The following GADL1 variants were observed in gnomAD, a reference collection of about 807,000 sequenced individuals.
GADL1 encodes acidic amino acid decarboxylase GADL1.
In GADL1, 71 loss-of-function variants were observed where a neutral mutation model predicts 69.5. The ratio of observed to expected loss-of-function variants is 1.02; its 90% CI spans 0.84 to 1.25. The LOEUF is 1.25. Ranked by LOEUF, GADL1 falls within the 50% of genes most tolerant of loss-of-function variation. The probability of loss-of-function intolerance (pLI) is 0.00; values close to 1 mark genes in which losing one functional copy is unlikely to be tolerated. For missense variants in GADL1, 737 were observed against 631.8 expected, an observed-to-expected ratio of 1.17 and a Z score of -1.79; for synonymous variants, 254 against 214.4, an observed-to-expected ratio of 1.18 and a Z score of -1.62.
intron 12 of GADL1, among the ~76,000 whole-genome samples, chr3:30,787,432 CTG>C (rs1696820962): frequency 6.6e-6 from 1 of 152,154 alleles, no homozygotes; most frequent in African/African-American, 2.4e-5. Flanking sequence ...AAAGAGAAGT[CTG>C]AAATGGCTGG....
intron 12 of GADL1, chr3:30,797,598 G>T (rs371210730): frequency 6.6e-6 from 1 of 152,030 alleles, no homozygotes; most frequent in African/African-American, 2.4e-5. Context: ...TTTAGGTCTT[G>T]AATCCAGGTT....
chr3:30,872,647 TG>T (rs1698509390), intron 1 of GADL1, among the ~76,000 whole-genome samples: 1 of 151,948 alleles, frequency 6.6e-6, no homozygotes, highest in Non-Finnish European at 1.5e-5. Context: ...TACCCTTTTG[TG>T]GGTATCTCCA....
Position 30,854,705 on chromosome 3 carries a change from G to C in GADL1, c.422C>G (p.Pro141Arg). Residue 141 changes from proline to arginine, a missense_variant, in exon 4 of 15, where the codon CCA becomes CGA. Pro to Arg is a moderately radical substitution (Grantham distance 103, BLOSUM62 -2). Transcript: ENST00000282538. Reference sequence around the variant, plus strand: ...TCTATAGCATGGCACTTACACACTTGGATTCAATGCTTCGGTCATAAATCG... The same window carrying C: ...TCTATAGCATGGCACTTACACACTTCGATTCAATGCTTCGGTCATAAATCG... The part of the protein sequence containing the change: ...VARFMTEALN[P>R]SVYTYEVSPV... 1.9e-6 allele frequency: 3 copies of C among 1,541,356 alleles called. No individual in the cohort carries two copies. Among genetic ancestry groups the C allele is most frequent in the Non-Finnish European group, 2.6e-6 (3 of 1,138,110 alleles).
intron 1 of GADL1, among the ~76,000 whole-genome samples, chr3:30,881,592 A>T (rs180737499): frequency 6.6e-6 from 1 of 151,916 alleles, no homozygotes; most frequent in Admixed American, 6.6e-5. Context: ...AGAACTCAAG[A>T]ACAGCAATCT....
At position 30,743,465 on chromosome 3, in the gene GADL1, C is replaced by T. The variant is rs527733026; in HGVS notation, c.1393-15050G>A. Reference sequence around the variant, plus strand: ...AAGCTGTCACAGCGCCTGCTTTTACCTCACCATTGATTATTCATCAGGTGA... The same window carrying T: ...AAGCTGTCACAGCGCCTGCTTTTACTTCACCATTGATTATTCATCAGGTGA... On this transcript the variant is annotated intron_variant, in intron 14 of 14. Coordinates refer to ENST00000282538, the MANE Select transcript of GADL1 (RefSeq NM_207359.3). Among the ~76,000 whole-genome samples the T allele has an allele frequency of 1.1e-4, 16 of 152,290 alleles. No individual in the cohort carries two copies. The South Asian group carries it at 1.2e-3, about 12-fold the overall frequency.
rs1034447990 is a variant in GADL1 at position 30,727,418 on chromosome 3, G to C, written c.*824C>G. 3 of 146,152 alleles carry C rather than the reference G, an allele frequency of 2.1e-5. No individual in the cohort carries two copies. Among genetic ancestry groups the C allele is most frequent in the African/African-American group, 7.7e-5 (3 of 38,728 alleles). The allele number at this position is 146,152 out of a possible 1,614,324, so 9.1% of individuals were successfully genotyped here. A position where few individuals can be genotyped will look rare whatever the true frequency, so the allele number is the denominator to read the frequency against. On this transcript the variant is annotated 3_prime_UTR_variant, in exon 15 of 15. Coordinates refer to ENST00000282538, the MANE Select transcript of GADL1 (RefSeq NM_207359.3). ...ATTATATATATATATATATGTGTGT[G>C]TGTGTATATATATATATATATATAA...
chr3:30,746,253 A>T (rs1208778964), intron 14 of GADL1, among the ~76,000 whole-genome samples: 1 of 152,150 alleles, frequency 6.6e-6, no homozygotes, highest in South Asian at 2.1e-4. Context: ...ACAGCCTCCC[A>T]AAGTGCTGAA....
intron 9 of GADL1, 81 bp downstream of exon 9, chr3:30,838,916 T>C (rs1052896012): frequency 8.8e-5 from 71 of 804,034 alleles, no homozygotes; most frequent in Non-Finnish European, 3.4e-5. Context: ...CCACATCTAG[T>C]TTCTGAGAAT....
intron 9 of GADL1, among the ~76,000 whole-genome samples, chr3:30,834,984 A>AT (rs1220547122): frequency 3.9e-5 from 6 of 152,130 alleles, no homozygotes; most frequent in African/African-American, 1.4e-4. Context: ...ATAAATTTTA[A>AT]TTTGTAGGAC....
At chr3:30,777,901 G>A (rs894355186) in intron 14 of GADL1, among the ~76,000 whole-genome samples, 3 of 152,190 alleles carry the variant, frequency 2.0e-5, no homozygotes, top group Admixed American at 6.5e-5. Context: ...CTTTAACCTT[G>A]TGTCCCATGA....
At chr3:30,729,582 T>C (rs1410203628) in intron 14 of GADL1, among the ~76,000 whole-genome samples, 1 of 152,158 alleles carries the variant, frequency 6.6e-6, no homozygotes, top group Admixed American at 6.5e-5. Context: ...TCTCTCGTAA[T>C]GTGATAATCC....
Position 30,761,217 on chromosome 3 carries a change from T to C in GADL1, c.1392+16962A>G, listed in dbSNP as rs142040244. Among the ~76,000 whole-genome samples the C allele has an allele frequency of 9.6e-3, 1,457 of 152,264 alleles. 13 individuals are homozygous for C. Among genetic ancestry groups the C allele is most frequent in the Middle Eastern group, 0.041 (12 of 292 alleles). On this transcript the variant is annotated intron_variant, in intron 14 of 14. Coordinates refer to ENST00000282538, the MANE Select transcript of GADL1 (RefSeq NM_207359.3). The stretch of plus-strand genomic sequence containing the variant: ...GGCTATATTTCTATCACATTATATA[T>C]TGAGAGATGTTCTATCGTGGATAGC...
chr3:30,884,483 G>T (rs1698679178), intron 1 of GADL1, among the ~76,000 whole-genome samples: 1 of 151,954 alleles, frequency 6.6e-6, no homozygotes, highest in Non-Finnish European at 1.5e-5. Context: ...TCTGAGCACA[G>T]GTTCAGGAAG....
chr3:30,770,729 C>T (rs1258563615), intron 14 of GADL1, among the ~76,000 whole-genome samples: 1 of 152,132 alleles, frequency 6.6e-6, no homozygotes, highest in African/African-American at 2.4e-5. Context: ...GCAGAAATGC[C>T]AGCTTCATTC....
Position 30,849,886 on chromosome 3 carries a change from A to G in GADL1, c.651+110T>C, listed in dbSNP as rs1575233806. The G allele has an allele frequency of 1.1e-5, 7 of 658,104 alleles. No individual in the cohort carries two copies. In the East Asian group the frequency reaches 1.9e-4, roughly 18 times the overall value. The allele number at this position is 658,104 out of a possible 1,614,324, so 40.8% of individuals were successfully genotyped here. A position where few individuals can be genotyped will look rare whatever the true frequency, so the allele number is the denominator to read the frequency against. On this transcript the variant is annotated intron_variant, in intron 6 of 14. Coordinates refer to ENST00000282538, the MANE Select transcript of GADL1 (RefSeq NM_207359.3). ...ATGAAATACTATGTTATACTGCAGCATATTAGTCACATGGGTATAGGACAA... is the reference window on the plus strand; with the variant it reads ...ATGAAATACTATGTTATACTGCAGCGTATTAGTCACATGGGTATAGGACAA...
intron 11 of GADL1, among the ~76,000 whole-genome samples, chr3:30,812,624 T>C (rs1375906485): frequency 1.3e-5 from 2 of 152,104 alleles, no homozygotes; most frequent in African/African-American, 4.8e-5. Flanking sequence ...AAATGAGATT[T>C]GGGTGGGGAT....
intron 14 of GADL1, among the ~76,000 whole-genome samples, chr3:30,776,886 G>A (rs1206784661): frequency 6.6e-6 from 1 of 152,148 alleles, no homozygotes; most frequent in Admixed American, 6.5e-5. Context: ...GAGCCTCTGA[G>A]TTCTCATGCT....
At chr3:30,819,223 T>G (rs552483149) in intron 11 of GADL1, among the ~76,000 whole-genome samples, 1 of 152,028 alleles carries the variant, frequency 6.6e-6, no homozygotes, top group South Asian at 2.1e-4. Flanking sequence ...ACTTAAGAAT[T>G]GCTTTCTCTT....
At chr3:30,751,187 A>C (rs2292077) in intron 14 of GADL1, among the ~76,000 whole-genome samples, 53,465 of 151,802 alleles carry the variant, frequency 0.35, 10,400 homozygotes, top group African/African-American at 0.51. Context: ...CCTCTGATTG[A>C]GGGCCAAGCC....
Sources: allele counts gnomAD v4.1 joint callset (sites outside exome capture counted in the v4.1 genomes callset), GRCh38; gene constraint gnomAD v4.1.1; transcripts MANE v1.5; gene names NCBI Gene and HGNC (gene_info 2026-07-23, HGNC 2026-07-21).